Variants in SPDYE4 observed in about 807,000 individuals in gnomAD.
SPDYE4 encodes the protein speedy protein E4.
A neutral mutation model predicts 37.5 loss-of-function variants in SPDYE4; 30 were observed. The observed-to-expected ratio is 0.80, with a 90% CI of 0.60 to 1.09. The LOEUF (loss-of-function observed/expected upper bound fraction) is 1.09, where lower values mean the gene tolerates loss of function less well. Ranked by LOEUF, SPDYE4 falls within the 50% of genes least tolerant of loss-of-function variation. The probability of loss-of-function intolerance (pLI) is 0.00; values close to 1 mark genes in which losing one functional copy is unlikely to be tolerated. For synonymous variants in SPDYE4, 131 were observed against 120.3 expected, an observed-to-expected ratio of 1.09 and a Z score of -0.58; for missense variants, 300 against 307.9, an observed-to-expected ratio of 0.97 and a Z score of 0.19.
chr17:8,752,957 C>T (rs189439890), intron 6 of SPDYE4, 137 bp downstream of exon 6: 66 of 761,666 alleles, frequency 8.7e-5, no homozygotes, highest in African/African-American at 7.7e-4. Flanking sequence ...CCAGGACGCC[C>T]GGCTAATTTT....
chr17:8,756,514 G>A, intron 2 of SPDYE4, 78 bp from the exon 3 acceptor site: 1 of 1,381,054 alleles, frequency 7.2e-7, no homozygotes, highest in Non-Finnish European at 1.0e-6. Context: ...GAGGAGAACT[G>A]TGTCCCTCTG....
In SPDYE4 at chr17:8,756,362, T is replaced by A. The variant is rs749295860; in HGVS notation, c.399+16A>T. The A allele has an allele frequency of 2.5e-6, 4 of 1,612,518 alleles. No homozygotes were observed. Among genetic ancestry groups the A allele is most frequent in the African/African-American group, 2.7e-5 (2 of 74,744 alleles). ...GTGTTAAAGCAGGAACACAGTTGAG[T>A]GGAGAACAACCTTACCTTGTCTGAC... is the stretch of plus-strand genomic sequence containing the variant. On this transcript the variant is annotated intron_variant, in intron 3 of 6. Transcript: ENST00000689094.
chr17:8,754,588 CA>C (rs145953607), intron 4 of SPDYE4, among the ~76,000 whole-genome samples: 2,986 of 152,174 alleles, frequency 0.02, 91 homozygotes, highest in African/African-American at 0.066. Flanking sequence ...AAGATAAAAA[CA>C]AAAAACTTTG....
chr17:8,750,246 G>A (rs371703356), downstream of SPDYE4, among the ~76,000 whole-genome samples: 6 of 152,084 alleles, frequency 3.9e-5, no homozygotes, highest in African/African-American at 1.2e-4. Flanking sequence ...GAAATTAGCT[G>A]GGCGTGGTGG....
At chr17:8,756,457 T>G in intron 2 of SPDYE4, 21 bp from the exon 3 acceptor site, 2 of 1,613,038 alleles carry the variant, frequency 1.2e-6, no homozygotes, top group Non-Finnish European at 1.7e-6. Flanking sequence ...AGAGCCTGTG[T>G]CAGGGTGAGA....
Position 8,753,147 on chromosome 17 carries a change from G to A in SPDYE4, c.705C>T (p.Leu235=), listed in dbSNP as rs1322018817. ...EHWVWARDRT[L]IS is the part of the protein sequence containing the mutation. The stretch of plus-strand genomic sequence containing the variant: ...CCATGTCCCCGGAGCTCTAGGAAAT[G>A]AGGGTGCGATCTCGGGCCCACACCC... The change falls in exon 6 of 7, where the codon CTC becomes CTT. Residue 235 remains leucine, a synonymous_variant. Coordinates refer to ENST00000689094, the MANE Select transcript of SPDYE4 (RefSeq NM_001394956.1). The A allele has an allele frequency of 2.5e-6, 4 of 1,613,998 alleles. No homozygotes were observed. The highest frequency in any genetic ancestry group is 2.7e-5 in the African/African-American group (2 of 74,906).
At chr17:8,757,635 C>T (rs1473544779) in intron 1 of SPDYE4, 143 bp from the exon 2 acceptor site, 1 of 808,080 alleles carries the variant, frequency 1.2e-6, no homozygotes, top group Non-Finnish European at 1.9e-6. Context: ...CCACCTTTCT[C>T]CTTTGCTGAT....
intron 6 of SPDYE4, among the ~76,000 whole-genome samples, chr17:8,752,851 C>G (rs1332290130): frequency 6.6e-6 from 1 of 152,050 alleles, no homozygotes; most frequent in African/African-American, 2.4e-5. Flanking sequence ...GGCTGGAGTG[C>G]AGTGGCAGAA....
chr17:8,748,079 A>G (rs1057457243), downstream of SPDYE4, among the ~76,000 whole-genome samples: 1 of 152,202 alleles, frequency 6.6e-6, no homozygotes, highest in Non-Finnish European at 1.5e-5. Context: ...CCACAATTCA[A>G]TTACCTCTGC....
chr17:8,756,880 C>T (rs536673152), intron 2 of SPDYE4, among the ~76,000 whole-genome samples: 1 of 150,960 alleles, frequency 6.6e-6, no homozygotes, highest in East Asian at 1.9e-4. Context: ...ACCAAGCTTT[C>T]TTTTATCTTT....
In SPDYE4 at chr17:8,755,624, TAG is replaced by T; in HGVS notation, c.400-21_400-20del. The T allele has an allele frequency of 1.2e-6, 2 of 1,607,368 alleles. No individual in the cohort carries two copies. The highest frequency in any genetic ancestry group is 1.7e-6 in the Non-Finnish European group (2 of 1,176,362). ...GGAGATACTGATGGAGAGAAGGGAG[TAG>T]AGAGAGAGAAAGGTTGGTCACATCC... On this transcript the variant is annotated intron_variant, in intron 3 of 6. Transcript: ENST00000689094.
chr17:8,751,982 A>C lies in SPDYE4; in HGVS notation c.*300T>G, dbSNP rs1345620403. On this transcript the variant is annotated 3_prime_UTR_variant, in exon 7 of 7. Transcript: ENST00000689094. ...GGGGAGGCTGGGATTCAGCAACGTG[A>C]AAAGGGAGGTTTTGCCGCAGGAAGG... 6.6e-6 allele frequency among the ~76,000 whole-genome samples: 1 copy of C among 152,164 alleles called. No individual in the cohort carries two copies. Among genetic ancestry groups the C allele is most frequent in the African/African-American group, 2.4e-5 (1 of 41,440 alleles).
At chr17:8,753,236 C>T (rs1436342065) in intron 5 of SPDYE4, 39 bp from the exon 6 acceptor site, 1 of 1,613,590 alleles carries the variant, frequency 6.2e-7, no homozygotes, top group East Asian at 2.2e-5. Context: ...CAGGGATTCC[C>T]CAGGAAGCCC....
In SPDYE4 at chr17:8,757,260, A is replaced by G. The variant is rs759324135; in HGVS notation, c.340+2T>C. ...GAGGTGCTTTTTGGGGTATCCTCCT[A>G]CCAAGGAGCCTGTTGAAGGCCTCGT... On this transcript the variant is annotated splice_donor_variant, in intron 2 of 6. Transcript: ENST00000689094. LOFTEE classifies it high-confidence loss of function. 2 of 1,601,674 alleles carry G rather than the reference A, an allele frequency of 1.2e-6. No individual in the cohort carries two copies. Among genetic ancestry groups the G allele is most frequent in the Non-Finnish European group, 1.7e-6 (2 of 1,173,992 alleles).
At chr17:8,755,018 G>T (rs781064773) in intron 4 of SPDYE4, among the ~76,000 whole-genome samples, 9 of 152,208 alleles carry the variant, frequency 5.9e-5, no homozygotes, top group South Asian at 2.1e-4. Flanking sequence ...GGCAGTGAAG[G>T]GGGGGTGGGA....
chr17:8,753,168 C>T lies in SPDYE4; in HGVS notation c.684G>A (p.Val228=). The T allele has an allele frequency of 6.2e-7, 1 of 1,614,108 alleles. No homozygotes were observed. The highest frequency in any genetic ancestry group is 2.2e-5 in the East Asian group (1 of 44,858). Residue 228 remains valine (V), a synonymous_variant, in exon 6 of 7, where the codon GTG becomes GTA. Transcript: ENST00000689094. ...AAATGAGGGTGCGATCTCGGGCCCA[C>T]ACCCAGTGCTCTGGGTCATAAGCCT... ...EIQAYDPEHW[V]WARDRTLIS is the part of the protein sequence containing the mutation.
At chr17:8,748,148 C>T (rs561161812), downstream of SPDYE4, among the ~76,000 whole-genome samples, 9 of 152,350 alleles carry the variant, frequency 5.9e-5, no homozygotes, top group East Asian at 1.7e-3. Flanking sequence ...TTGAGATTTG[C>T]ATGGGGACAC....
chr17:8,749,936 G>C (rs971142309), downstream of SPDYE4, among the ~76,000 whole-genome samples: 2 of 152,136 alleles, frequency 1.3e-5, no homozygotes, highest in African/African-American at 4.8e-5. Context: ...TGCATTCTAG[G>C]CTCAGCCATG....
chr17:8,755,918 A>G (rs1162215358), intron 3 of SPDYE4, among the ~76,000 whole-genome samples: 2 of 152,114 alleles, frequency 1.3e-5, no homozygotes, highest in African/African-American at 4.8e-5. Flanking sequence ...GACTGTCCCA[A>G]AGATCTGAGA....
Sources: gnomAD v4.1 joint callset for allele counts (sites outside exome capture counted in the v4.1 genomes callset) on GRCh38, gnomAD v4.1.1 for gene constraint, MANE v1.5 for transcripts, NCBI Gene and HGNC (gene_info 2026-07-23, HGNC 2026-07-21) for gene names.